Variants in AFF1 observed in about 807,000 individuals in gnomAD.
AFF1 encodes ALF transcription elongation factor 1, also known as AF4/FMR2 family member 1.
Under a neutral mutation model 121.7 loss-of-function variants are expected in AFF1, and 48 were observed. The ratio of observed to expected loss-of-function variants is 0.39; its 90% CI spans 0.31 to 0.50. The LOEUF is 0.50. AFF1 is among the 20% of genes least tolerant of loss of function. The probability of loss-of-function intolerance (pLI) is 0.76; values close to 1 mark genes in which losing one functional copy is unlikely to be tolerated. For synonymous variants in AFF1, 613 were observed against 563.0 expected, an observed-to-expected ratio of 1.09 and a Z score of -1.26; for missense variants, 1,523 against 1,511.7, an observed-to-expected ratio of 1.01 and a Z score of -0.12.
chr4:86,990,805 ATTATT>A (rs1391034363), intron 2 of AFF1, among the ~76,000 whole-genome samples: 2 of 152,282 alleles, frequency 1.3e-5, no homozygotes, highest in Non-Finnish European at 1.5e-5. Context: ...ATATTTATTT[ATTATT>A]TTATTTTGTT....
chr4:87,051,418 T>C (rs1212932217), intron 4 of AFF1, among the ~76,000 whole-genome samples: 2 of 149,234 alleles, frequency 1.3e-5, no homozygotes, highest in East Asian at 3.9e-4. Context: ...CCTTTTTCTT[T>C]TTTTTTTTTT....
chr4:87,030,370 G>C (rs563402605), intron 2 of AFF1, among the ~76,000 whole-genome samples: 2 of 152,284 alleles, frequency 1.3e-5, no homozygotes, highest in South Asian at 4.1e-4. Flanking sequence ...TAGGTAGCTG[G>C]TCCAGATTTG....
chr4:87,021,136 C>T (rs1339805661), intron 2 of AFF1, among the ~76,000 whole-genome samples: 1 of 152,130 alleles, frequency 6.6e-6, no homozygotes, highest in East Asian at 1.9e-4. Flanking sequence ...ATTTTTGTGG[C>T]TGTTTTCTCA....
Position 87,064,280 on chromosome 4 carries a change from A to T in AFF1, c.1059+16686A>T, listed in dbSNP as rs1038602473. On this transcript the variant is annotated intron_variant, in intron 4 of 20. Transcript: ENST00000395146. ...AGTAAGGAAAGGTGTAAGATTAAAC[A>T]TATTTTCATGGAATCTCTGAAGGTT... Among the ~76,000 whole-genome samples the T allele has an allele frequency of 2.0e-5, 3 of 152,206 alleles. No individual in the cohort carries two copies. The South Asian group carries it at 6.2e-4, about 31-fold the overall frequency.
chr4:86,998,118 A>AAAAAAAAAAAAAAAAC (rs1725376303), intron 2 of AFF1, among the ~76,000 whole-genome samples: 1 of 148,104 alleles, frequency 6.8e-6, no homozygotes, highest in Non-Finnish European at 1.5e-5. Context: ...AAAAAAAAAA[A>AAAAAAAAAAAAAAAAC]AAAAAAAAAC....
intron 4 of AFF1, among the ~76,000 whole-genome samples, chr4:87,063,438 CG>C (rs1721000737): frequency 6.6e-6 from 1 of 151,778 alleles, no homozygotes; most frequent in African/African-American, 2.4e-5. Flanking sequence ...GGGGTTTCTC[CG>C]TGTGGGTGAG....
intron 7 of AFF1, among the ~76,000 whole-genome samples, chr4:87,093,510 G>T (rs1343855820): frequency 6.6e-6 from 1 of 152,146 alleles, no homozygotes; most frequent in Admixed American, 6.5e-5. Context: ...TCTCTGGAGA[G>T]GGGAGGTAGG....
intron 17 of AFF1, 112 bp from the exon 18 acceptor site, chr4:87,131,681 T>G (rs1560663071): frequency 1.1e-6 from 1 of 944,198 alleles, no homozygotes; most frequent in Non-Finnish European, 1.6e-6. Flanking sequence ...TTTCCTGTGA[T>G]GCTCTCATCT....
intron 2 of AFF1, among the ~76,000 whole-genome samples, chr4:87,038,324 C>A (rs1291751128): frequency 6.6e-6 from 1 of 152,192 alleles, no homozygotes; most frequent in Non-Finnish European, 1.5e-5. Context: ...AAAAAAATCT[C>A]CCTTCTTTGA....
chr4:87,089,882 C>A, intron 5 of AFF1, 102 bp from the exon 6 acceptor site: 1 of 797,076 alleles, frequency 1.3e-6, no homozygotes, highest in Non-Finnish European at 2.0e-6. Context: ...TTGTACTTGC[C>A]ATTTATGATC....
intron 2 of AFF1, among the ~76,000 whole-genome samples, chr4:86,962,698 A>C (rs1032990546): frequency 2.0e-4 from 30 of 152,204 alleles, no homozygotes; most frequent in African/African-American, 6.8e-4. Context: ...GTTCCTGCCA[A>C]CTGTGGGTTC....
intron 2 of AFF1, chr4:86,949,537 A>ATTATTTTTTTTTTTTTTTTTTTTTT (rs57335156): frequency 8.2e-6 from 2 of 244,120 alleles, no homozygotes; most frequent in Admixed American, 6.4e-5. Context: ...TATTATTATT[A>ATTATTTTTTTTTTTTTTTTTTTTTT]TTTTTTTTTT....
Position 87,131,914 on chromosome 4 carries a change from T to A in AFF1, c.3173+50T>A, listed in dbSNP as rs377763799. 3 of 1,404,316 alleles carry A rather than the reference T, an allele frequency of 2.1e-6. No individual in the cohort carries two copies. The African/African-American group carries it at 4.5e-5, about 21-fold the overall frequency. The allele number at this position is 1,404,316 out of a possible 1,614,324, so 87.0% of individuals were successfully genotyped here. ...AGTACTAAATTTGTTTTTGCATCTG[T>A]TGATGTTACAAAAAGATTCTGAAAT... is the stretch of plus-strand genomic sequence containing the variant. On this transcript the variant is annotated intron_variant, in intron 18 of 20. Transcript: ENST00000395146.
chr4:86,953,227 G>A (rs1721499515), intron 2 of AFF1, among the ~76,000 whole-genome samples: 1 of 152,078 alleles, frequency 6.6e-6, no homozygotes, highest in South Asian at 2.1e-4. Context: ...CAAGTGGTAA[G>A]TTTGGGGATA....
chr4:86,985,181 C>CTATATATATATATATATATATATA (rs55891819), intron 2 of AFF1, among the ~76,000 whole-genome samples: 65 of 96,432 alleles, frequency 6.7e-4, no homozygotes, highest in East Asian at 2.4e-3. Context: ...ATATGTATTA[C>CTATATATATATATATATATATATA]TATATATATA....
At chr4:87,092,558 T>C (rs1724422871) in intron 7 of AFF1, among the ~76,000 whole-genome samples, 1 of 152,152 alleles carries the variant, frequency 6.6e-6, no homozygotes, top group East Asian at 1.9e-4. Flanking sequence ...GAGGGTTAAA[T>C]CTGCCCTGCA....
chr4:86,943,595 C>T (rs769369854), intron 1 of AFF1, among the ~76,000 whole-genome samples: 2 of 152,216 alleles, frequency 1.3e-5, no homozygotes, highest in Non-Finnish European at 2.9e-5. Flanking sequence ...TGGGCTCAGT[C>T]GCTCACACCT....
chr4:86,995,461 G>A (rs1246436854), intron 2 of AFF1, among the ~76,000 whole-genome samples: 2 of 151,288 alleles, frequency 1.3e-5, no homozygotes, highest in African/African-American at 4.9e-5. Context: ...GCAGGCGCGC[G>A]CCGCCACGCC....
Position 87,114,667 on chromosome 4 carries a change from C to A in AFF1, c.1834C>A (p.Pro612Thr). Residue 612 changes from proline to threonine, a missense_variant, in exon 12 of 21, where the codon CCC (proline) becomes ACC (threonine). Pro to Thr is a conservative substitution (Grantham distance 38, BLOSUM62 -1). Around this residue, in one of 5 missense-constraint regions of AFF1, gnomAD observed 905 missense variants for 842.5 expected, o/e 1.07. Transcript: ENST00000395146. ...PQRQTVGTKQ[P>T]KKPVKASARA... ...AAGGCAAACCGTTGGAACCAAACAA[C>A]CCAAAAAACCTGTCAAGGCCTCTGC... is the stretch of plus-strand genomic sequence containing the variant. The A allele has an allele frequency of 6.2e-7, 1 of 1,607,588 alleles. No individual in the cohort carries two copies. Among genetic ancestry groups the A allele is most frequent in the South Asian group, 1.1e-5 (1 of 90,900 alleles).
Sources: gnomAD v4.1 joint callset for allele counts (sites outside exome capture counted in the v4.1 genomes callset) on GRCh38, gnomAD v4.1.1 for gene constraint, gnomAD v4.1.1 regional missense constraint, MANE v1.5 for transcripts, NCBI Gene and HGNC (gene_info 2026-07-23, HGNC 2026-07-21) for gene names.